Variants in SCAP observed in about 807,000 individuals in gnomAD.
SCAP encodes sterol regulatory element-binding protein cleavage-activating protein.
In SCAP, 65 loss-of-function variants were observed where a neutral mutation model predicts 123.6. That is an observed-to-expected ratio of 0.53 (90% CI 0.43 to 0.65). SCAP has a LOEUF of 0.65. SCAP is among the 30% of genes least tolerant of loss of function. SCAP has a pLI of 0.00. For synonymous variants in SCAP, 740 were observed against 726.3 expected (o/e 1.02, Z -0.30); for missense variants, 1,398 against 1,712.5 (o/e 0.82, Z 3.24).
chr3:47,414,741 C>T (rs973443776), intron 20 of SCAP, 86 bp downstream of exon 20: 1 of 1,605,920 alleles, frequency 6.2e-7, no homozygotes, highest in Non-Finnish European at 8.5e-7. Context: ...TTCATCAGGA[C>T]TCTTCCAGCC....
Position 47,413,961 on chromosome 3 carries a change from G to A in SCAP, c.3733C>T (p.Gln1245Ter), listed in dbSNP as rs1576238654. 6.2e-7 allele frequency: 1 copy of A among 1,613,160 alleles called. No individual in the cohort carries two copies. The highest frequency in any genetic ancestry group is 1.1e-5 in the South Asian group (1 of 91,088). The change falls in exon 23 of 23, where the codon CAG becomes TAG. Residue 1245 changes from glutamine (Q) to a stop codon, truncating the protein, a stop_gained. Transcript: ENST00000265565. LOFTEE classifies it high-confidence loss of function. ...TVYLGKNSEA[Q>*]PARQILVLDN... Reference sequence around the variant, plus strand: ...AGCACCAGGATCTGGCGGGCAGGCTGGGCCTCACTGTTCTTCCCCAGGTAG... The same window carrying A: ...AGCACCAGGATCTGGCGGGCAGGCTAGGCCTCACTGTTCTTCCCCAGGTAG...
chr3:47,436,343 G>C (rs1283411322), intron 2 of SCAP, among the ~76,000 whole-genome samples: 1 of 152,090 alleles, frequency 6.6e-6, no homozygotes, highest in Non-Finnish European at 1.5e-5. Flanking sequence ...CAAAAAGTTG[G>C]CAAATAAGCT....
At chr3:47,447,428 G>T (rs963783253) in intron 1 of SCAP, among the ~76,000 whole-genome samples, 1 of 152,138 alleles carries the variant, frequency 6.6e-6, no homozygotes, top group African/African-American at 2.4e-5. Context: ...GGTGGCTCAC[G>T]CCTGTAATCC....
At chr3:47,440,911 T>C (rs1706774191) in intron 2 of SCAP, among the ~76,000 whole-genome samples, 1 of 151,780 alleles carries the variant, frequency 6.6e-6, no homozygotes, top group African/African-American at 2.4e-5. Context: ...TCCTCCTCTT[T>C]TTTTTTTTTG....
chr3:47,423,531 C>A (rs1379776082), intron 9 of SCAP, among the ~76,000 whole-genome samples: 1 of 152,216 alleles, frequency 6.6e-6, no homozygotes, highest in African/African-American at 2.4e-5. Context: ...GTAGGTGGGA[C>A]CACAGGTGCA....
At chr3:47,473,099 A>AAAAAAAAAAAAAAAAAAAAAAAAC (rs1559576281) in intron 1 of SCAP, among the ~76,000 whole-genome samples, 1 of 148,222 alleles carries the variant, frequency 6.7e-6, no homozygotes, top group African/African-American at 2.5e-5. Context: ...AAAAAAAAAA[A>AAAAAAAAAAAAAAAAAAAAAAAAC]CAGACTGTGG....
intron 1 of SCAP, among the ~76,000 whole-genome samples, chr3:47,453,226 G>A (rs2107961622): frequency 6.6e-6 from 1 of 152,256 alleles, no homozygotes; most frequent in Non-Finnish European, 1.5e-5. Flanking sequence ...CACATGGTCA[G>A]CATGGACAGC....
In SCAP at chr3:47,414,105, G is replaced by A. The variant is rs1245835545; in HGVS notation, c.3595-6C>T. The A allele has an allele frequency of 6.2e-7, 1 of 1,613,474 alleles. No homozygotes were observed. Among genetic ancestry groups the A allele is most frequent in the Non-Finnish European group, 8.5e-7 (1 of 1,180,030 alleles). On this transcript the variant is annotated splice_region_variant and splice_polypyrimidine_tract_variant and intron_variant, in intron 22 of 22. Coordinates refer to ENST00000265565, the MANE Select transcript of SCAP (RefSeq NM_012235.4). ...CTTGCACCACAGCCCAGGTCCTGGA[G>A]GCAAGGACATGACAAGCTCAGTCCT...
intron 1 of SCAP, among the ~76,000 whole-genome samples, chr3:47,472,294 C>T (rs1219183191): frequency 6.7e-6 from 1 of 149,216 alleles, no homozygotes; most frequent in African/African-American, 2.5e-5. Flanking sequence ...ATTAGCCGGG[C>T]GCGGTGGCGG....
intron 1 of SCAP, among the ~76,000 whole-genome samples, chr3:47,457,571 T>A (rs1707474453): frequency 6.6e-6 from 1 of 152,154 alleles, no homozygotes; most frequent in Admixed American, 6.6e-5. Flanking sequence ...TGGGATAATG[T>A]TTTTCTGAAA....
In SCAP at chr3:47,439,094, T is replaced by C. The variant is rs560841317; in HGVS notation, c.122+3778A>G. Among the ~76,000 whole-genome samples the C allele has an allele frequency of 1.5e-4, 23 of 152,174 alleles. No individual in the cohort carries two copies. Among genetic ancestry groups the C allele is most frequent in the Admixed American group, 8.5e-4 (13 of 15,286 alleles). On this transcript the variant is annotated intron_variant, in intron 2 of 22. Coordinates refer to ENST00000265565, the MANE Select transcript of SCAP (RefSeq NM_012235.4). This position sits in a 1 kb window ranked among gnomAD's most constrained non-coding sequence, Gnocchi z 4.0. ...TATGTCCTGATAACGCTGTCGTAAATTGAAAATATCCTAAGTCAAAAATGC... is the reference window on the plus strand; with the variant it reads ...TATGTCCTGATAACGCTGTCGTAAACTGAAAATATCCTAAGTCAAAAATGC...
intron 1 of SCAP, among the ~76,000 whole-genome samples, chr3:47,473,733 A>G (rs1437057648): frequency 6.6e-6 from 1 of 152,148 alleles, no homozygotes; most frequent in Non-Finnish European, 1.5e-5. Context: ...TCTACCACCA[A>G]ATGTTAATAT....
chr3:47,429,414 C>T (rs1706272088), intron 3 of SCAP, among the ~76,000 whole-genome samples: 2 of 152,232 alleles, frequency 1.3e-5, no homozygotes, highest in South Asian at 4.1e-4. Context: ...TCATGGCTCA[C>T]TGAAACCTCA....
intron 3 of SCAP, among the ~76,000 whole-genome samples, chr3:47,433,107 T>A (rs1273559462): frequency 6.6e-6 from 1 of 152,212 alleles, no homozygotes; most frequent in East Asian, 1.9e-4. Flanking sequence ...AACTATATCG[T>A]GCTTAAGTCA....
intron 1 of SCAP, among the ~76,000 whole-genome samples, chr3:47,457,411 T>C (rs192528237): frequency 5.3e-5 from 8 of 152,276 alleles, no homozygotes; most frequent in Middle Eastern, 3.4e-3. Context: ...GCCTCCTGGA[T>C]TGACTGCGTT....
intron 1 of SCAP, among the ~76,000 whole-genome samples, chr3:47,451,636 C>G (rs1456059766): frequency 2.4e-5 from 3 of 123,204 alleles, no homozygotes; most frequent in Non-Finnish European, 3.6e-5. Context: ...TAGACTCCAG[C>G]AATCCTCCTG....
rs762195281 is a variant in SCAP at position 47,417,172 on chromosome 3, G to A, written c.3006C>T (p.Ser1002=). ...WDAIEGVLCC[S]SEEVSSGITA... The stretch of plus-strand genomic sequence containing the variant: ...TAATGCCTGAGGAGACCTCCTCGCT[G>A]CTGCAGCACAGCACCCCTTCAATGG... The change falls in exon 18 of 23, where the codon AGC becomes AGT. Residue 1002 remains serine (S), a synonymous_variant. Transcript: ENST00000265565. 4 of 1,613,074 alleles carry A rather than the reference G, an allele frequency of 2.5e-6. No individual in the cohort carries two copies. Among genetic ancestry groups the A allele is most frequent in the Admixed American group, 3.3e-5 (2 of 60,026 alleles).
At chr3:47,474,854 T>C (rs1708206587) in intron 1 of SCAP, among the ~76,000 whole-genome samples, 2 of 152,108 alleles carry the variant, frequency 1.3e-5, no homozygotes, top group African/African-American at 2.4e-5. Flanking sequence ...CTAAAATGGA[T>C]ACAGCACTAA....
intron 1 of SCAP, among the ~76,000 whole-genome samples, chr3:47,446,109 C>T (rs1229096120): frequency 3.3e-5 from 5 of 150,758 alleles, no homozygotes; most frequent in South Asian, 2.1e-4. Flanking sequence ...CTCTTGACCT[C>T]GTGATCTGAC....
Sources: allele counts gnomAD v4.1 joint callset (sites outside exome capture counted in the v4.1 genomes callset), GRCh38; gene constraint gnomAD v4.1.1; non-coding constraint Gnocchi (gnomAD v3.1); transcripts MANE v1.5; gene names NCBI Gene and HGNC (gene_info 2026-07-23, HGNC 2026-07-21).